Variants in RTF1 observed in about 807,000 individuals in gnomAD.
RTF1 encodes the protein RNA polymerase-associated protein RTF1 homolog.
A neutral mutation model predicts 95.7 loss-of-function variants in RTF1; 10 were observed. That is an observed-to-expected ratio of 0.10 (90% confidence interval 0.06 to 0.18). RTF1 has a LOEUF of 0.18. RTF1 is among the 10% of genes least tolerant of loss of function. RTF1 has a pLI of 1.00. For missense variants in RTF1, 458 were observed against 875.6 expected, an observed-to-expected ratio of 0.52 and a Z score of 6.02; for synonymous variants, 305 against 311.8, an observed-to-expected ratio of 0.98 and a Z score of 0.23.
At chr15:41,428,328 C>T (rs1373057077) in intron 1 of RTF1, among the ~76,000 whole-genome samples, 13 of 122,254 alleles carry the variant, frequency 1.1e-4, no homozygotes, top group Non-Finnish European at 1.4e-4. Flanking sequence ...AGTGCAATGA[C>T]GTGATCTCAG....
chr15:41,429,999 A>ATTTTTTTTT (rs2050660492), intron 1 of RTF1, among the ~76,000 whole-genome samples: 1 of 137,562 alleles, frequency 7.3e-6, no homozygotes, highest in Non-Finnish European at 1.6e-5. Context: ...AATTTATTTT[A>ATTTTTTTTT]TTTTTTCTTT....
chr15:41,460,961 C>T (rs2050844903), intron 4 of RTF1, among the ~76,000 whole-genome samples: 1 of 151,426 alleles, frequency 6.6e-6, no homozygotes, highest in African/African-American at 2.4e-5. Flanking sequence ...ACTGCAACCT[C>T]CGCCTACCAG....
At chr15:41,455,630 C>G (rs1256168432) in intron 3 of RTF1, among the ~76,000 whole-genome samples, 1 of 149,902 alleles carries the variant, frequency 6.7e-6, no homozygotes, top group Non-Finnish European at 1.5e-5. Context: ...CACAGTGAGA[C>G]CCTGTCTCTG....
intron 1 of RTF1, among the ~76,000 whole-genome samples, chr15:41,436,675 TCC>T (rs2050705020): frequency 6.6e-6 from 1 of 150,704 alleles, no homozygotes; most frequent in Admixed American, 6.7e-5. Flanking sequence ...TCTCCTGTAG[TCC>T]CATCTACTTG....
chr15:41,478,970 GA>G, intron 15 of RTF1, 132 bp from the exon 16 acceptor site: 1 of 462,470 alleles, frequency 2.2e-6, no homozygotes, highest in African/African-American at 2.2e-5. Flanking sequence ...TTGCTGCTTT[GA>G]GGAAAACCCC....
chr15:41,479,879 A>C (rs2050961788), intron 16 of RTF1, among the ~76,000 whole-genome samples: 1 of 151,912 alleles, frequency 6.6e-6, no homozygotes, highest in Non-Finnish European at 1.5e-5. Flanking sequence ...AAAAAAAAAA[A>C]AAGCAGTTTT....
intron 3 of RTF1, 137 bp from the exon 4 acceptor site, chr15:41,457,535 G>T: frequency 1.2e-6 from 1 of 839,148 alleles, no homozygotes; most frequent in Non-Finnish European, 1.9e-6. Context: ...CAAAAAAAAA[G>T]TAAAAACAAA....
intron 2 of RTF1, among the ~76,000 whole-genome samples, chr15:41,447,578 TTTAAG>T (rs1187967676): frequency 1.3e-5 from 2 of 152,210 alleles, no homozygotes; most frequent in South Asian, 2.1e-4. Context: ...CCAGTCTCTT[TTTAAG>T]TTTTCTTCAT....
intron 4 of RTF1, among the ~76,000 whole-genome samples, chr15:41,458,433 A>T (rs992934903): frequency 6.6e-6 from 1 of 152,160 alleles, no homozygotes; most frequent in African/African-American, 2.4e-5. Flanking sequence ...CTCCTGCGTC[A>T]CATTTCCTGT....
At chr15:41,449,176 G>A (rs1420255890) in intron 2 of RTF1, among the ~76,000 whole-genome samples, 2 of 150,520 alleles carry the variant, frequency 1.3e-5, no homozygotes, top group East Asian at 2.0e-4. Context: ...GAGCCACTGC[G>A]CCCAGCCTAT....
At chr15:41,457,002 TG>T (rs1430976611) in intron 3 of RTF1, among the ~76,000 whole-genome samples, 3 of 151,642 alleles carry the variant, frequency 2.0e-5, no homozygotes, top group Non-Finnish European at 2.9e-5. Context: ...GAGAATCGCT[TG>T]TGAACCAGGG....
chr15:41,480,573 TC>T lies in RTF1; in HGVS notation c.2027-5del, dbSNP rs771485307. On this transcript the variant is annotated splice_region_variant and splice_polypyrimidine_tract_variant and intron_variant, in intron 17 of 17. Transcript: ENST00000389629. ...CCTCAGCTGCCAACTTGCTCTTCTT[TC>T]CCACAGAGTCAAAGGCTTTAGCCAT... is the stretch of plus-strand genomic sequence containing the variant. 5 of 1,608,038 alleles carry T rather than the reference TC, an allele frequency of 3.1e-6. No individual in the cohort carries two copies. In the South Asian group the frequency reaches 5.5e-5, roughly 18 times the overall value.
At chr15:41,419,887 T>C (rs1379249116) in intron 1 of RTF1, among the ~76,000 whole-genome samples, 1 of 152,136 alleles carries the variant, frequency 6.6e-6, no homozygotes, top group Non-Finnish European at 1.5e-5. Context: ...TGGCACAATC[T>C]CAACTCACTG....
chr15:41,449,441 C>G (rs1484485942), intron 2 of RTF1, among the ~76,000 whole-genome samples: 1 of 152,014 alleles, frequency 6.6e-6, no homozygotes, highest in Non-Finnish European at 1.5e-5. Flanking sequence ...CCGTGTTAGC[C>G]AGGATGGTGT....
chr15:41,419,760 T>G (rs1015384083), intron 1 of RTF1, among the ~76,000 whole-genome samples: 2 of 152,218 alleles, frequency 1.3e-5, no homozygotes, highest in African/African-American at 4.8e-5. Context: ...GTGGTAGAGA[T>G]ATTTCACCTG....
chr15:41,423,428 A>G (rs545534727), intron 1 of RTF1, among the ~76,000 whole-genome samples: 3 of 140,448 alleles, frequency 2.1e-5, no homozygotes, highest in African/African-American at 7.8e-5. Context: ...GCTGGAGAGC[A>G]ATGGCACGCT....
At chr15:41,457,898 TC>T (rs11313160) in intron 4 of RTF1, 22 bp downstream of exon 4, 696,563 of 1,497,416 alleles carry the variant, frequency 0.47, 157,380 homozygotes, top group African/African-American at 0.52. Flanking sequence ...CTCGTCGTTG[TC>T]CCCCCCCCGC....
At chr15:41,475,445 A>G in intron 9 of RTF1, 80 bp from the exon 10 acceptor site, 1 of 1,065,338 alleles carries the variant, frequency 9.4e-7, no homozygotes, top group South Asian at 1.3e-5. Flanking sequence ...TATAGGTGGT[A>G]CATAGTCTGG....
chr15:41,461,846 C>G (rs2140962701), intron 4 of RTF1, among the ~76,000 whole-genome samples: 1 of 151,916 alleles, frequency 6.6e-6, no homozygotes, highest in Admixed American at 6.6e-5. Context: ...CTCAGGTGAT[C>G]CACCCACCTC....
Sources: allele counts gnomAD v4.1 joint callset (sites outside exome capture counted in the v4.1 genomes callset), GRCh38; gene constraint gnomAD v4.1.1; transcripts MANE v1.5; gene names NCBI Gene and HGNC (gene_info 2026-07-23, HGNC 2026-07-21).